Variants in BIRC6 observed in about 807,000 individuals in gnomAD.
BIRC6 encodes the protein baculoviral IAP repeat containing 6.
In BIRC6, 98 loss-of-function variants were observed where a neutral mutation model predicts 503.3. The observed-to-expected ratio is 0.19, with a 90% CI of 0.17 to 0.23. The LOEUF is 0.23. Ranked by LOEUF, BIRC6 falls within the 10% of genes least tolerant of loss-of-function variation. The pLI is 1.00. For synonymous variants in BIRC6, 2,240 were observed against 2,078.7 expected, an observed-to-expected ratio of 1.08 and a Z score of -2.11; for missense variants, 5,360 against 5,806.0, an observed-to-expected ratio of 0.92 and a Z score of 2.50.
intron 66 of BIRC6, among the ~76,000 whole-genome samples, chr2:32,588,221 G>C (rs1404315033): frequency 6.6e-6 from 1 of 152,088 alleles, no homozygotes; most frequent in Admixed American, 6.6e-5. Context: ...CAGGCGTGGT[G>C]GTAGGTGCCT....
At position 32,469,582 on chromosome 2, in the gene BIRC6, T is replaced by A; in HGVS notation, c.6315T>A (p.Asn2105Lys). The A allele has an allele frequency of 6.2e-7, 1 of 1,613,786 alleles. No homozygotes were observed. The highest frequency in any genetic ancestry group is 1.1e-5 in the South Asian group (1 of 91,072). ...FLSNVLQELY[N>K]SEQLLIFPQD... The stretch of plus-strand genomic sequence containing the variant: ...CTAATGTCCTTCAGGAATTGTACAA[T>A]TCGGAACAGCTTCTCATCTTTCCAC... The change falls in exon 30 of 74, where the codon AAT (asparagine) becomes AAA (lysine). Residue 2105 changes from asparagine (N) to lysine (K), a missense_variant. Physicochemically the swap from Asn to Lys is moderately conservative, Grantham distance 94. Around this residue, in one of 16 missense-constraint regions of BIRC6, gnomAD observed 2,299 missense variants for 2,267.2 expected, o/e 1.01. Transcript: ENST00000421745.
intron 9 of BIRC6, among the ~76,000 whole-genome samples, chr2:32,413,731 G>A (rs546709436): frequency 2.6e-4 from 40 of 151,592 alleles, no homozygotes; most frequent in Admixed American, 9.9e-4. Flanking sequence ...AAACAGCCTG[G>A]TATTTATGGG....
At chr2:32,384,097 T>C (rs1333387372) in intron 3 of BIRC6, among the ~76,000 whole-genome samples, 2 of 152,194 alleles carry the variant, frequency 1.3e-5, no homozygotes, top group Admixed American at 1.3e-4. Context: ...GTACCCCTGC[T>C]GGAACATTCC....
At chr2:32,462,422 G>A (rs948722431) in intron 23 of BIRC6, among the ~76,000 whole-genome samples, 6 of 152,170 alleles carry the variant, frequency 3.9e-5, no homozygotes, top group Non-Finnish European at 7.3e-5. Context: ...CTGTTGTAGG[G>A]TTTCACAGAG....
At chr2:32,609,033 C>T (rs1255100422) in intron 72 of BIRC6, among the ~76,000 whole-genome samples, 1 of 151,802 alleles carries the variant, frequency 6.6e-6, no homozygotes, top group African/African-American at 2.4e-5. Flanking sequence ...GCGCATACCA[C>T]CGCAACTGGC....
At chr2:32,443,453 T>TAATG in intron 19 of BIRC6, 38 bp from the exon 20 acceptor site, 1 of 1,411,774 alleles carries the variant, frequency 7.1e-7, no homozygotes, top group South Asian at 1.3e-5. Context: ...AGACCTTGAG[T>TAATG]AATGTCTTTA....
rs1276737308 is a variant in BIRC6, at chr2:32,485,683, A to G, written c.7737A>G (p.Ala2579=). Residue 2579 remains alanine, a synonymous_variant, in exon 40 of 74, where the codon GCA becomes GCG. Transcript: ENST00000421745. ...TAGAAGTTGGACTTGAACAGCAAGC[A>G]GAACTGATGTTGAAAATGATGTCTA... ...ARLEVGLEQQ[A]ELMLKMMSTL... is the part of the protein sequence containing the mutation. The G allele has an allele frequency of 6.2e-7, 1 of 1,613,662 alleles. No homozygotes were observed. The highest frequency in any genetic ancestry group is 1.3e-5 in the African/African-American group (1 of 74,930).
At position 32,499,783 on chromosome 2, in the gene BIRC6, G is replaced by C; in HGVS notation, c.8705G>C (p.Arg2902Pro). The change falls in exon 46 of 74, where the codon CGT becomes CCT. Residue 2902 changes from arginine (R) to proline (P), a missense_variant. Around this residue, in one of 16 missense-constraint regions of BIRC6, gnomAD observed 2,299 missense variants for 2,267.2 expected, o/e 1.01. Coordinates refer to ENST00000421745, the MANE Select transcript of BIRC6 (RefSeq NM_016252.4). ...GGGGGACTCTTTGCCAATCTTATTCGTCCGGGTGATGCAAAAGCAGTTTGT... is the reference window on the plus strand; with the variant it reads ...GGGGGACTCTTTGCCAATCTTATTCCTCCGGGTGATGCAAAAGCAGTTTGT... ...CFGGLFANLI[R>P]PGDAKAVCGE... The C allele has an allele frequency of 6.2e-7, 1 of 1,613,972 alleles. No individual in the cohort carries two copies. The highest frequency in any genetic ancestry group is 8.5e-7 in the Non-Finnish European group (1 of 1,179,870).
At chr2:32,454,498 C>T (rs1244217046) in intron 23 of BIRC6, among the ~76,000 whole-genome samples, 2 of 150,960 alleles carry the variant, frequency 1.3e-5, no homozygotes, top group Admixed American at 6.6e-5. Context: ...TTCCTTCTCA[C>T]GTAGGAAGAT....
chr2:32,570,151 T>G (rs74435674), intron 65 of BIRC6, among the ~76,000 whole-genome samples: 2,524 of 152,312 alleles, frequency 0.017, 50 homozygotes, highest in African/African-American at 0.058. Flanking sequence ...TTTTTCAACA[T>G]TTATTGAAAT....
chr2:32,430,799 T>TGTC, intron 11 of BIRC6, 66 bp from the exon 12 acceptor site: 1 of 1,151,390 alleles, frequency 8.7e-7, no homozygotes, highest in South Asian at 1.4e-5. Context: ...TTCACTTCAT[T>TGTC]GTCTTCTTTT....
intron 21 of BIRC6, among the ~76,000 whole-genome samples, 177 bp from the exon 22 acceptor site, chr2:32,448,618 C>T (rs1463007435): frequency 6.6e-6 from 1 of 151,016 alleles, no homozygotes; most frequent in Non-Finnish European, 1.5e-5. Context: ...CCAGCTTCGG[C>T]TCGGCATCAG....
chr2:32,482,498 G>A lies in BIRC6; in HGVS notation c.7612G>A (p.Gly2538Arg). Residue 2538 changes from glycine (G) to arginine (R), a missense_variant, in exon 39 of 74, where the codon GGA becomes AGA. Gly to Arg is a moderately radical substitution (Grantham distance 125, BLOSUM62 -2). Around this residue, in one of 16 missense-constraint regions of BIRC6, gnomAD observed 2,299 missense variants for 2,267.2 expected, o/e 1.01. Transcript: ENST00000421745. ...YGTYNYNPYI[G>R]GLGIPVAKPP... ...GACCTACAATTACAACCCTTACATT[G>A]GAGGTCTGGGAATTCCTGTAGCAAA... 1 of 1,613,888 alleles carries A rather than the reference G, an allele frequency of 6.2e-7. No homozygotes were observed. The highest frequency in any genetic ancestry group is 8.5e-7 in the Non-Finnish European group (1 of 1,179,808).
chr2:32,394,773 T>A (rs771628531), intron 5 of BIRC6, among the ~76,000 whole-genome samples: 2 of 152,100 alleles, frequency 1.3e-5, no homozygotes, highest in Non-Finnish European at 2.9e-5. Context: ...AGGGCTATAG[T>A]CAGCTATGAT....
intron 1 of BIRC6, among the ~76,000 whole-genome samples, chr2:32,376,933 A>G (rs936070711): frequency 3.9e-5 from 6 of 152,132 alleles, no homozygotes; most frequent in African/African-American, 1.2e-4. Flanking sequence ...TTGGGCTTCT[A>G]TTGACTGGGT....
chr2:32,472,316 G>A (rs185634190), intron 32 of BIRC6, among the ~76,000 whole-genome samples: 1 of 152,086 alleles, frequency 6.6e-6, no homozygotes, highest in Non-Finnish European at 1.5e-5. Context: ...TGACCCACCC[G>A]CCTCGGCCTC....
chr2:32,605,502 A>T (rs192055443), intron 71 of BIRC6, among the ~76,000 whole-genome samples: 1 of 152,336 alleles, frequency 6.6e-6, no homozygotes, highest in Admixed American at 6.5e-5. Context: ...GAGGACAATT[A>T]TTTAAGAGGG....
chr2:32,589,641 G>T (rs1301848385), intron 66 of BIRC6, among the ~76,000 whole-genome samples: 1 of 152,136 alleles, frequency 6.6e-6, no homozygotes. Flanking sequence ...GTTTTTGATG[G>T]TGGTAAACAA....
rs764741444 is a variant in BIRC6 at position 32,482,441 on chromosome 2, A to G, written c.7555A>G (p.Thr2519Ala). 1.2e-6 allele frequency: 2 copies of G among 1,613,880 alleles called. No homozygotes were observed. The highest frequency in any genetic ancestry group is 1.7e-6 in the Non-Finnish European group (2 of 1,179,814). Residue 2519 changes from threonine (T) to alanine (A), a missense_variant, in exon 39 of 74, where the codon ACA becomes GCA. Transcript: ENST00000421745. ...AAKVFKPISS[T>A]WYDYWGADYG... ...CCATTCTTTTAAGCCAATAAGCAGTACATGGTATGATTATTGGGGTGCTGA... is the reference window on the plus strand; with the variant it reads ...CCATTCTTTTAAGCCAATAAGCAGTGCATGGTATGATTATTGGGGTGCTGA...
Sources: gnomAD v4.1 joint callset for allele counts (sites outside exome capture counted in the v4.1 genomes callset) on GRCh38, gnomAD v4.1.1 for gene constraint, gnomAD v4.1.1 regional missense constraint, MANE v1.5 for transcripts, NCBI Gene and HGNC (gene_info 2026-07-23, HGNC 2026-07-21) for gene names.